Variants in PRDM11 observed in about 807,000 individuals in gnomAD.
PRDM11 encodes PR domain-containing protein 11.
Under a neutral mutation model 97.8 loss-of-function variants are expected in PRDM11, and 20 were observed. The ratio of observed to expected loss-of-function variants is 0.20; its 90% confidence interval spans 0.14 to 0.30. The LOEUF is 0.30. Ranked by LOEUF, PRDM11 falls within the 10% of genes least tolerant of loss-of-function variation. The pLI is 1.00. For missense variants in PRDM11, 1,139 were observed against 1,555.2 expected, an observed-to-expected ratio of 0.73 and a Z score of 4.50; for synonymous variants, 599 against 637.7, an observed-to-expected ratio of 0.94 and a Z score of 0.91.
chr11:45,225,982 A>G lies in PRDM11; in HGVS notation c.1370-13A>G. ...CCCCAGGTATAAATGTTTCTTTCCC[A>G]TTTGTTTTTCAGCCTCAGAAAGCAT... On this transcript the variant is annotated splice_polypyrimidine_tract_variant and intron_variant, in intron 7 of 7. Coordinates refer to ENST00000683152, the MANE Select transcript of PRDM11 (RefSeq NM_001384648.1). 1.4e-6 allele frequency: 2 copies of G among 1,471,546 alleles called. No individual in the cohort carries two copies. Among genetic ancestry groups the G allele is most frequent in the Non-Finnish European group, 1.8e-6 (2 of 1,114,116 alleles). 91.2% of individuals were successfully genotyped at this position (1,471,546 alleles called of 1,614,324 possible).
At chr11:45,177,429 A>G (rs1852355570) in intron 1 of PRDM11, among the ~76,000 whole-genome samples, 1 of 152,156 alleles carries the variant, frequency 6.6e-6, no homozygotes, top group Non-Finnish European at 1.5e-5. Flanking sequence ...CAGGGGCTTT[A>G]CCTGGGCCAG....
intron 5 of PRDM11, among the ~76,000 whole-genome samples, chr11:45,217,966 G>A (rs1278399493): frequency 6.6e-6 from 1 of 152,158 alleles, no homozygotes; most frequent in Non-Finnish European, 1.5e-5. Context: ...CCTTCAAGTC[G>A]TTTACTGGGG....
rs893381774 is a variant in PRDM11 at position 45,230,189 on chromosome 11, T to C, written c.*2030T>C. ...TTGTTTTCAACAGTGATGTAGCATG[T>C]TAAAAAACAAAAAACAAAAAAAAAT... On this transcript the variant is annotated 3_prime_UTR_variant, in exon 8 of 8. Transcript: ENST00000683152. 2 of 151,470 alleles carry C rather than the reference T, an allele frequency of 1.3e-5. No homozygotes were observed. The highest frequency in any genetic ancestry group is 4.8e-5 in the African/African-American group (2 of 41,254). The allele number at this position is 151,470 out of a possible 1,614,324, so 9.4% of individuals were successfully genotyped here.
At position 45,113,154 on chromosome 11, in the gene PRDM11, T is replaced by C. The variant is rs564318320; in HGVS notation, c.96+17253T>C. Among the ~76,000 whole-genome samples, 197 of 152,336 alleles carry C rather than the reference T, an allele frequency of 1.3e-3. 1 individual carries two copies. Among genetic ancestry groups the C allele is most frequent in the African/African-American group, 4.5e-3 (189 of 41,578 alleles). ...TAAGGTGAGAAATGGAAATCCAGTT[T>C]CATTCTTCTACATGTGGCTTGCCAG... On this transcript the variant is annotated intron_variant, in intron 1 of 6. Transcript: ENST00000530656.
chr11:45,169,157 T>C (rs2135715664), intron 1 of PRDM11, among the ~76,000 whole-genome samples: 1 of 152,148 alleles, frequency 6.6e-6, no homozygotes, highest in South Asian at 2.1e-4. Flanking sequence ...AAGTATTTGT[T>C]ACTTTTTATT....
chr11:45,146,408 CT>C (rs377045507), upstream of PRDM11, among the ~76,000 whole-genome samples: 5 of 152,282 alleles, frequency 3.3e-5, no homozygotes, highest in African/African-American at 1.2e-4. Context: ...TTAACCTTTT[CT>C]TTTTTTCATC....
chr11:45,111,490 A>T (rs1446681732), intron 1 of PRDM11, among the ~76,000 whole-genome samples: 1 of 152,188 alleles, frequency 6.6e-6, no homozygotes, highest in East Asian at 1.9e-4. Flanking sequence ...TGGAATGGCC[A>T]TGTGAACACT....
chr11:45,174,496 G>T (rs903940521), intron 1 of PRDM11, among the ~76,000 whole-genome samples: 2 of 152,196 alleles, frequency 1.3e-5, no homozygotes, highest in Non-Finnish European at 2.9e-5. Flanking sequence ...AAACAGGTAT[G>T]CTTCGGGTAG....
chr11:45,165,976 C>A (rs1852054591), intron 1 of PRDM11, among the ~76,000 whole-genome samples: 1 of 152,212 alleles, frequency 6.6e-6, no homozygotes, highest in East Asian at 1.9e-4. Flanking sequence ...CAGACAGCTG[C>A]TGTGCAGCCT....
intron 1 of PRDM11, among the ~76,000 whole-genome samples, chr11:45,178,708 A>G (rs188409019): frequency 1.3e-5 from 2 of 152,332 alleles, no homozygotes; most frequent in Admixed American, 1.3e-4. Context: ...CAGCCAAGCA[A>G]GGTTCTCAGG....
At chr11:45,222,473 A>T (rs899147518) in intron 6 of PRDM11, among the ~76,000 whole-genome samples, 2 of 152,172 alleles carry the variant, frequency 1.3e-5, no homozygotes, top group African/African-American at 4.8e-5. Context: ...GCTGCATCTG[A>T]TCTGTAAGAC....
At chr11:45,134,701 G>GAAAACAAAAAAAAA (rs1852796612) in intron 1 of PRDM11, among the ~76,000 whole-genome samples, 2 of 44,262 alleles carry the variant, frequency 4.5e-5, no homozygotes, top group African/African-American at 2.1e-4. Context: ...CCTGTCTCAC[G>GAAAACAAAAAAAAA]AAAAAAAAAA....
intron 4 of PRDM11, among the ~76,000 whole-genome samples, chr11:45,198,750 C>T (rs757955409): frequency 1.3e-5 from 2 of 152,120 alleles, no homozygotes; most frequent in Non-Finnish European, 2.9e-5. Context: ...CCAGAAGAGT[C>T]CTGGTTGATT....
chr11:45,095,731 G>T, upstream of PRDM11: 3 of 688,674 alleles, frequency 4.4e-6, no homozygotes, highest in South Asian at 5.1e-5. Context: ...TTCTGCTCTG[G>T]AATGCAGATT....
chr11:45,182,418 T>G, intron 3 of PRDM11, 69 bp downstream of exon 3: 1 of 1,390,564 alleles, frequency 7.2e-7, no homozygotes, highest in East Asian at 2.4e-5. Context: ...GGCTAGGGAA[T>G]TCACAACAAT....
At chr11:45,209,542 C>A (rs541578197) in intron 5 of PRDM11, among the ~76,000 whole-genome samples, 1 of 152,248 alleles carries the variant, frequency 6.6e-6, no homozygotes, top group South Asian at 2.1e-4. Flanking sequence ...GTGTGTAAAC[C>A]CCACGCAGGC....
chr11:45,121,144 C>T (rs558006582), intron 1 of PRDM11, among the ~76,000 whole-genome samples: 1 of 152,060 alleles, frequency 6.6e-6, no homozygotes, highest in South Asian at 2.1e-4. Flanking sequence ...TCAAATCACA[C>T]GATGGTAGTT....
intron 1 of PRDM11, among the ~76,000 whole-genome samples, chr11:45,147,736 G>A (rs1851556978): frequency 6.6e-6 from 1 of 152,220 alleles, no homozygotes; most frequent in Non-Finnish European, 1.5e-5. Flanking sequence ...GCCCAGTTGG[G>A]AGATGGGGGC....
chr11:45,097,274 G>A (rs1851898262), intron 1 of PRDM11, among the ~76,000 whole-genome samples: 1 of 152,150 alleles, frequency 6.6e-6, no homozygotes, highest in South Asian at 2.1e-4. Flanking sequence ...ACCTGGCTGA[G>A]CCTCAATTTC....
Sources: gnomAD v4.1 joint callset for allele counts (sites outside exome capture counted in the v4.1 genomes callset) on GRCh38, gnomAD v4.1.1 for gene constraint, MANE v1.5 for transcripts, NCBI Gene and HGNC (gene_info 2026-07-23, HGNC 2026-07-21) for gene names.